The following LGR4 variants were observed in gnomAD, a reference collection of about 807,000 sequenced individuals.
LGR4 encodes the protein leucine-rich repeat-containing G protein-coupled receptor 4.
In LGR4, 44 loss-of-function variants were observed where a neutral mutation model predicts 84.8. The ratio of observed to expected loss-of-function variants is 0.52; its 90% CI spans 0.41 to 0.67. LGR4 has a LOEUF of 0.67. Among genes scored for constraint, LGR4 ranks in the 30% least tolerant of loss-of-function variants. The pLI is 0.00. For missense variants in LGR4, 1,032 were observed against 1,131.4 expected (o/e 0.91, Z 1.26); for synonymous variants, 429 against 434.3 (o/e 0.99, Z 0.15).
chr11:27,427,384 G>A (rs938506139), intron 1 of LGR4, among the ~76,000 whole-genome samples: 1 of 152,150 alleles, frequency 6.6e-6, no homozygotes. Flanking sequence ...TGGCATGAAG[G>A]TAGAGTCTAG....
chr11:27,391,562 T>C (rs1443028914), intron 3 of LGR4, among the ~76,000 whole-genome samples: 3 of 152,154 alleles, frequency 2.0e-5, no homozygotes, highest in Non-Finnish European at 2.9e-5. Context: ...TAATGCCTTT[T>C]CAAATTGGAA....
At chr11:27,380,079 A>G (rs760860752) in intron 10 of LGR4, among the ~76,000 whole-genome samples, 192 bp downstream of exon 10, 1 of 152,270 alleles carries the variant, frequency 6.6e-6, no homozygotes, top group Admixed American at 6.5e-5. Flanking sequence ...GATCTTATCC[A>G]CATAATCGGC....
At position 27,392,520 on chromosome 11, in the gene LGR4, T is replaced by C; in HGVS notation, c.258-2A>G. On this transcript the variant is annotated splice_acceptor_variant, in intron 2 of 17. Coordinates refer to ENST00000379214, the MANE Select transcript of LGR4 (RefSeq NM_018490.5). LOFTEE classifies it high-confidence loss of function. Reference sequence around the variant, plus strand: ...GAAAGGTCGTTGCCCGCCAATTGTCTAGAGAAAAAAAAAAAAAAAGTAGCA... The same window carrying C: ...GAAAGGTCGTTGCCCGCCAATTGTCCAGAGAAAAAAAAAAAAAAAGTAGCA... The C allele has an allele frequency of 6.7e-7, 1 of 1,502,416 alleles. No individual in the cohort carries two copies. The highest frequency in any genetic ancestry group is 8.9e-7 in the Non-Finnish European group (1 of 1,128,714). 93.1% of individuals were successfully genotyped at this position (1,502,416 alleles called of 1,614,324 possible). A position where few individuals can be genotyped will look rare whatever the true frequency, so the allele number is the denominator to read the frequency against.
rs12284579 is a variant in LGR4, at chr11:27,372,339, G to T, written c.1439C>A (p.Ala480Glu). ...CCAFWGCDSY[A>E]NLNTEDNSLQ... Reference sequence around the variant, plus strand: ...GCTGTTATCTTCTGTGTTTAAATTTGCATAAGAGTCACAACCCCAAAATGC... The same window carrying T: ...GCTGTTATCTTCTGTGTTTAAATTTTCATAAGAGTCACAACCCCAAAATGC... Residue 480 changes from alanine to glutamate, a missense_variant, in exon 16 of 18, where the codon GCA becomes GAA. Physicochemically the swap from Ala to Glu is moderately radical, Grantham distance 107. Transcript: ENST00000379214. 1 of 1,613,676 alleles carries T rather than the reference G, an allele frequency of 6.2e-7. No homozygotes were observed. Among genetic ancestry groups the T allele is most frequent in the South Asian group, 1.1e-5 (1 of 91,076 alleles).
intron 1 of LGR4, among the ~76,000 whole-genome samples, chr11:27,434,978 G>A (rs1401473660): frequency 2.0e-5 from 3 of 152,028 alleles, no homozygotes; most frequent in African/African-American, 7.3e-5. Flanking sequence ...ACCATGCAAC[G>A]TGTCAAACAG....
At chr11:27,416,300 C>T (rs1863816967) in intron 1 of LGR4, among the ~76,000 whole-genome samples, 1 of 152,164 alleles carries the variant, frequency 6.6e-6, no homozygotes, top group African/African-American at 2.4e-5. Context: ...GACTTACTAC[C>T]ACCAGCTGTG....
At chr11:27,463,921 G>T (rs1171461079) in intron 1 of LGR4, among the ~76,000 whole-genome samples, 1 of 152,196 alleles carries the variant, frequency 6.6e-6, no homozygotes, top group African/African-American at 2.4e-5. Flanking sequence ...TGTGAGAGAA[G>T]GAGATCCTGA....
intron 2 of LGR4, among the ~76,000 whole-genome samples, chr11:27,410,743 G>A (rs1863695128): frequency 6.6e-6 from 1 of 152,044 alleles, no homozygotes; most frequent in Non-Finnish European, 1.5e-5. Context: ...TCTCCTAACT[G>A]AATTCATTTT....
chr11:27,411,470 C>CT (rs1337056121), intron 2 of LGR4, among the ~76,000 whole-genome samples: 1 of 151,360 alleles, frequency 6.6e-6, no homozygotes, highest in Non-Finnish European at 1.5e-5. Flanking sequence ...TACTCTTCTG[C>CT]TTTTTTTCTT....
intron 1 of LGR4, among the ~76,000 whole-genome samples, chr11:27,456,131 T>G (rs1004306780): frequency 1.3e-5 from 2 of 152,102 alleles, no homozygotes; most frequent in South Asian, 4.1e-4. Context: ...ACCTTTAGAA[T>G]CACCAAGCAA....
intron 8 of LGR4, 27 bp downstream of exon 8, chr11:27,380,868 T>C (rs1452480988): frequency 2.1e-6 from 3 of 1,405,986 alleles, no homozygotes; most frequent in Non-Finnish European, 3.0e-6. Flanking sequence ...TAATTATACA[T>C]TAAAAGAAAC....
At chr11:27,384,500 T>G (rs533730945) in intron 5 of LGR4, 93 bp from the exon 6 acceptor site, 9 of 869,876 alleles carry the variant, frequency 1.0e-5, no homozygotes, top group Non-Finnish European at 1.7e-5. Context: ...TGTAAAGGAA[T>G]GATGTAGCTA....
intron 2 of LGR4, 86 bp from the exon 3 acceptor site, chr11:27,392,604 T>A: frequency 9.1e-7 from 1 of 1,094,230 alleles, no homozygotes; most frequent in Non-Finnish European, 1.3e-6. Flanking sequence ...AATCTGTGAT[T>A]AAAACTCTAT....
chr11:27,368,363 A>C lies in LGR4; in HGVS notation c.2360T>G (p.Leu787Arg). ...GCAAGCAGGCAATGGAAAAAATATC[A>C]GAGTAACAGACTTCATTATTTCGGG... ...ISPEIMKSVT[L>R]IFFPLPACLN... Residue 787 changes from leucine to arginine, a missense_variant, in exon 18 of 18, where the codon CTG becomes CGG. Coordinates refer to ENST00000379214, the MANE Select transcript of LGR4 (RefSeq NM_018490.5). The C allele has an allele frequency of 6.2e-7, 1 of 1,614,110 alleles. No homozygotes were observed. Among genetic ancestry groups the C allele is most frequent in the Non-Finnish European group, 8.5e-7 (1 of 1,179,936 alleles).
At chr11:27,439,773 C>A (rs1460019634) in intron 1 of LGR4, among the ~76,000 whole-genome samples, 1 of 152,110 alleles carries the variant, frequency 6.6e-6, no homozygotes, top group African/African-American at 2.4e-5. Context: ...CTCCCTGTAC[C>A]CTGGCCATTT....
chr11:27,409,732 A>C (rs115662084), intron 2 of LGR4, among the ~76,000 whole-genome samples: 2,562 of 152,214 alleles, frequency 0.017, 69 homozygotes, highest in African/African-American at 0.059. Context: ...AAACTTCTGA[A>C]ATTTTCTATG....
At chr11:27,452,331 T>C (rs1028861861) in intron 1 of LGR4, among the ~76,000 whole-genome samples, 3 of 152,154 alleles carry the variant, frequency 2.0e-5, no homozygotes, top group African/African-American at 7.2e-5. Flanking sequence ...TCACCCAGCT[T>C]TTCCCAATGG....
At chr11:27,451,972 A>G (rs558509008) in intron 1 of LGR4, among the ~76,000 whole-genome samples, 1 of 152,214 alleles carries the variant, frequency 6.6e-6, no homozygotes, top group Non-Finnish European at 1.5e-5. Context: ...TCACATACAC[A>G]CATACATAGC....
At chr11:27,436,347 GAGAA>G (rs57183310) in intron 1 of LGR4, among the ~76,000 whole-genome samples, 9,837 of 134,596 alleles carry the variant, frequency 0.073, 996 homozygotes, top group African/African-American at 0.23. Flanking sequence ...GAGAGAGAGA[GAGAA>G]AGAAAGAAAG....
Sources: gnomAD v4.1 joint callset for allele counts (sites outside exome capture counted in the v4.1 genomes callset) on GRCh38, gnomAD v4.1.1 for gene constraint, MANE v1.5 for transcripts, NCBI Gene and HGNC (gene_info 2026-07-23, HGNC 2026-07-21) for gene names.